Variants in NAA35 observed in about 807,000 individuals in gnomAD.
NAA35 encodes the protein MAK10 homolog, amino-acid N-acetyltransferase subunit.
A neutral mutation model predicts 101.7 loss-of-function variants in NAA35; 18 were observed. The ratio of observed to expected loss-of-function variants is 0.18; its 90% CI spans 0.12 to 0.26. NAA35 has a LOEUF of 0.26. Among genes scored for constraint, NAA35 ranks in the 10% least tolerant of loss-of-function variants. The probability of loss-of-function intolerance (pLI) is 1.00; values close to 1 mark genes in which losing one functional copy is unlikely to be tolerated. For missense variants in NAA35, 601 were observed against 886.8 expected (o/e 0.68, Z 4.09); for synonymous variants, 267 against 273.1 (o/e 0.98, Z 0.22).
chr9:85,958,695 A>G, intron 4 of NAA35, 109 bp downstream of exon 4: 1 of 596,196 alleles, frequency 1.7e-6, no homozygotes, highest in Non-Finnish European at 2.8e-6. Context: ...GTTTCCTTCA[A>G]AGCAGCTCAA....
At chr9:85,959,965 A>C in intron 5 of NAA35, 98 bp downstream of exon 5, 1 of 793,816 alleles carries the variant, frequency 1.3e-6, no homozygotes, top group Non-Finnish European at 2.0e-6. Flanking sequence ...GTATGAAATA[A>C]ATGTAATACT....
chr9:86,015,268 GTTTCT>G (rs980501147), intron 17 of NAA35, among the ~76,000 whole-genome samples: 2 of 152,020 alleles, frequency 1.3e-5, no homozygotes, highest in African/African-American at 2.4e-5. Flanking sequence ...AAGTAGATTT[GTTTCT>G]TTTCTTGTTA....
At chr9:85,990,712 A>G (rs1164734192) in intron 11 of NAA35, among the ~76,000 whole-genome samples, 1 of 152,250 alleles carries the variant, frequency 6.6e-6, no homozygotes, top group African/African-American at 2.4e-5. Context: ...CCTGAGCACA[A>G]TGGGCATGTG....
chr9:86,006,960 T>C (rs1831671234), intron 13 of NAA35, among the ~76,000 whole-genome samples: 1 of 152,202 alleles, frequency 6.6e-6, no homozygotes, highest in Non-Finnish European at 1.5e-5. Context: ...ATAAAAAATA[T>C]TAAAAATATT....
At chr9:85,986,374 G>A in intron 11 of NAA35, 1 of 468,420 alleles carries the variant, frequency 2.1e-6, no homozygotes. Context: ...AGTGTTGTAG[G>A]TGAGGGGACA....
intron 6 of NAA35, among the ~76,000 whole-genome samples, chr9:85,971,517 G>T (rs890889456): frequency 1.3e-5 from 2 of 152,116 alleles, no homozygotes; most frequent in Non-Finnish European, 2.9e-5. Context: ...GTGGCATTCA[G>T]TATCAACTAA....
At position 85,942,203 on chromosome 9, in the gene NAA35, A is replaced by G. The variant is rs760110240; in HGVS notation, c.44A>G (p.Glu15Gly). The G allele has an allele frequency of 6.2e-7, 1 of 1,614,186 alleles. No individual in the cohort carries two copies. Among genetic ancestry groups the G allele is most frequent in the Admixed American group, 1.7e-5 (1 of 60,022 alleles). The change falls in exon 2 of 23, where the codon GAG becomes GGG. Residue 15 changes from glutamate to glycine, a missense_variant. Physicochemically the swap from Glu to Gly is moderately conservative, Grantham distance 98 (BLOSUM62 -2). Transcript: ENST00000361671. ...ASVDDDDSGW[E>G]LSMPEKMEKS... ...GTAGATGATGACGATTCAGGATGGG[A>G]GCTCAGTATGCCAGAAAAAATGGAG...
At chr9:86,015,062 C>G (rs1832138033) in intron 17 of NAA35, among the ~76,000 whole-genome samples, 1 of 152,168 alleles carries the variant, frequency 6.6e-6, no homozygotes. Context: ...CTGCACCTGG[C>G]TACTTTTGTT....
chr9:85,972,396 C>A (rs1830034183), intron 6 of NAA35, among the ~76,000 whole-genome samples: 1 of 151,362 alleles, frequency 6.6e-6, no homozygotes, highest in African/African-American at 2.4e-5. Context: ...GTATTCCCAG[C>A]TACCTAGGAG....
chr9:85,980,988 A>T (rs1048836476), intron 11 of NAA35, among the ~76,000 whole-genome samples: 4 of 152,146 alleles, frequency 2.6e-5, no homozygotes, highest in Admixed American at 2.6e-4. Context: ...CCATTTAGAG[A>T]CAGACATTGT....
chr9:85,992,028 G>T (rs1393532938), intron 11 of NAA35, among the ~76,000 whole-genome samples: 1 of 152,088 alleles, frequency 6.6e-6, no homozygotes, highest in African/African-American at 2.4e-5. Context: ...CAAAAAAACA[G>T]CCGGGTGTGG....
chr9:85,986,321 T>C (rs755435006), intron 11 of NAA35, among the ~76,000 whole-genome samples: 2 of 152,240 alleles, frequency 1.3e-5, no homozygotes, highest in Admixed American at 6.5e-5. Flanking sequence ...ATCATAGTGG[T>C]GCAAATGCTG....
chr9:85,993,197 G>A (rs556570951), intron 11 of NAA35, among the ~76,000 whole-genome samples: 7 of 152,282 alleles, frequency 4.6e-5, no homozygotes, highest in Middle Eastern at 6.8e-3. Flanking sequence ...TTTTGAGACC[G>A]AGTTTCACTC....
At chr9:86,005,463 T>C (rs1831591870) in intron 13 of NAA35, among the ~76,000 whole-genome samples, 1 of 152,176 alleles carries the variant, frequency 6.6e-6, no homozygotes, top group Admixed American at 6.5e-5. Flanking sequence ...TTACTGAACA[T>C]TGGAAATCTT....
chr9:86,005,299 G>C (rs965930629), intron 13 of NAA35, among the ~76,000 whole-genome samples: 32 of 152,218 alleles, frequency 2.1e-4, no homozygotes, highest in African/African-American at 7.5e-4. Flanking sequence ...TTCATGATTT[G>C]AAACTCTTAG....
chr9:85,992,636 T>C (rs540788850), intron 11 of NAA35, among the ~76,000 whole-genome samples: 12 of 152,318 alleles, frequency 7.9e-5, no homozygotes, highest in African/African-American at 2.9e-4. Flanking sequence ...GAAGGCAGTA[T>C]ACAGAATTAC....
At chr9:86,012,963 C>T in intron 15 of NAA35, 83 bp from the exon 16 acceptor site, 1 of 920,518 alleles carries the variant, frequency 1.1e-6, no homozygotes. Flanking sequence ...TCCCTTAAAC[C>T]AGATTGTGAA....
intron 15 of NAA35, among the ~76,000 whole-genome samples, chr9:86,011,134 C>T (rs1831903032): frequency 6.7e-6 from 1 of 150,294 alleles, no homozygotes; most frequent in African/African-American, 2.4e-5. Flanking sequence ...CCCAGCTACT[C>T]AGGAGGCTGG....
At chr9:85,992,829 T>C (rs1434399362) in intron 11 of NAA35, among the ~76,000 whole-genome samples, 2 of 152,226 alleles carry the variant, frequency 1.3e-5, no homozygotes, top group African/African-American at 2.4e-5. Flanking sequence ...GTGTTAGTTT[T>C]CTAATTCTGA....
Sources: gnomAD v4.1 joint callset for allele counts (sites outside exome capture counted in the v4.1 genomes callset) on GRCh38, gnomAD v4.1.1 for gene constraint, MANE v1.5 for transcripts, NCBI Gene and HGNC (gene_info 2026-07-23, HGNC 2026-07-21) for gene names.